Variants in CNTNAP2 observed in about 807,000 individuals in gnomAD.
CNTNAP2 encodes contactin-associated protein-like 2.
In CNTNAP2, 98 loss-of-function variants were observed where a neutral mutation model predicts 155.2. The observed-to-expected ratio is 0.63, with a 90% CI of 0.54 to 0.75. CNTNAP2 has a LOEUF of 0.75. Among genes scored for constraint, CNTNAP2 ranks in the 30% least tolerant of loss-of-function variants. The pLI is 0.00. For synonymous variants in CNTNAP2, 651 were observed against 631.2 expected, an observed-to-expected ratio of 1.03 and a Z score of -0.47; for missense variants, 1,727 against 1,688.1, an observed-to-expected ratio of 1.02 and a Z score of -0.40.
intron 1 of CNTNAP2, among the ~76,000 whole-genome samples, chr7:146,121,687 T>C (rs1032406080): frequency 1.3e-5 from 2 of 152,196 alleles, no homozygotes; most frequent in Non-Finnish European, 2.9e-5. Context: ...AATAAATTTT[T>C]ATATTTATAT....
intron 13 of CNTNAP2, among the ~76,000 whole-genome samples, chr7:147,805,785 G>T (rs929504186): frequency 7.2e-5 from 11 of 152,050 alleles, no homozygotes; most frequent in Non-Finnish European, 1.6e-4. Context: ...CCACTTGATC[G>T]GGATGACTGA....
intron 1 of CNTNAP2, among the ~76,000 whole-genome samples, chr7:146,561,244 C>G (rs185463980): frequency 5.2e-4 from 79 of 152,144 alleles, no homozygotes; most frequent in African/African-American, 1.8e-3. Flanking sequence ...TTTCAACCAC[C>G]CCCAAAGGTA....
chr7:146,252,973 C>T (rs1799780042), intron 1 of CNTNAP2, among the ~76,000 whole-genome samples: 2 of 152,190 alleles, frequency 1.3e-5, no homozygotes, highest in African/African-American at 2.4e-5. Context: ...CCACTCTACA[C>T]TAAAAGCTTT....
intron 3 of CNTNAP2, among the ~76,000 whole-genome samples, chr7:146,935,485 G>GA (rs1796894147): frequency 1.3e-5 from 2 of 152,230 alleles, no homozygotes; most frequent in Admixed American, 6.5e-5. Flanking sequence ...GTGTTAAAGA[G>GA]AAGGTTGCCA....
intron 1 of CNTNAP2, among the ~76,000 whole-genome samples, chr7:146,608,982 A>G (rs552838611): frequency 1.1e-4 from 16 of 152,168 alleles, no homozygotes; most frequent in Admixed American, 9.2e-4. Flanking sequence ...AAATAAAGAC[A>G]GAAATCCAGC....
At chr7:146,881,242 A>G (rs1795544668) in intron 3 of CNTNAP2, among the ~76,000 whole-genome samples, 1 of 152,140 alleles carries the variant, frequency 6.6e-6, no homozygotes, top group Non-Finnish European at 1.5e-5. Context: ...TGGTTTTCTC[A>G]AGAATAAACT....
chr7:146,931,898 A>G (rs2129223127), intron 3 of CNTNAP2, among the ~76,000 whole-genome samples: 1 of 152,310 alleles, frequency 6.6e-6, no homozygotes, highest in Admixed American at 6.5e-5. Context: ...AAGAAGTTGA[A>G]TCTCCGAATA....
chr7:146,808,048 T>A (rs1042720613), intron 2 of CNTNAP2, among the ~76,000 whole-genome samples: 17 of 152,204 alleles, frequency 1.1e-4, no homozygotes, highest in African/African-American at 2.9e-4. Flanking sequence ...GATAGGATGT[T>A]TCTGCTGCAG....
At chr7:147,708,966 C>T (rs1191652443) in intron 13 of CNTNAP2, among the ~76,000 whole-genome samples, 1 of 152,098 alleles carries the variant, frequency 6.6e-6, no homozygotes, top group Non-Finnish European at 1.5e-5. Flanking sequence ...TTAGATAAGG[C>T]CCAAGCTAAG....
At chr7:147,276,759 A>T (rs533357428) in intron 8 of CNTNAP2, among the ~76,000 whole-genome samples, 7 of 152,086 alleles carry the variant, frequency 4.6e-5, no homozygotes, top group African/African-American at 1.4e-4. Flanking sequence ...TAGGTTTTTT[A>T]TACTAGCACA....
chr7:146,642,850 T>G (rs965452122), intron 1 of CNTNAP2, among the ~76,000 whole-genome samples: 4 of 151,990 alleles, frequency 2.6e-5, no homozygotes, highest in South Asian at 2.1e-4. Flanking sequence ...TGATTGCCAT[T>G]CTAACTGGTG....
chr7:147,322,927 T>G (rs4726840), intron 9 of CNTNAP2, among the ~76,000 whole-genome samples: 21,087 of 78,884 alleles, frequency 0.27, 1,908 homozygotes, highest in East Asian at 0.48. Flanking sequence ...TGATATCCCC[T>G]TTATCATTTT....
At chr7:146,919,958 C>T (rs1796468274) in intron 3 of CNTNAP2, among the ~76,000 whole-genome samples, 1 of 152,200 alleles carries the variant, frequency 6.6e-6, no homozygotes, top group Non-Finnish European at 1.5e-5. Flanking sequence ...TTCCTCCTAT[C>T]TGCCAATTTT....
At chr7:147,416,026 C>T (rs1442908549) in intron 10 of CNTNAP2, among the ~76,000 whole-genome samples, 1 of 152,194 alleles carries the variant, frequency 6.6e-6, no homozygotes, top group East Asian at 1.9e-4. Flanking sequence ...TTCCTTTAAT[C>T]CCAAACCAAC....
intron 9 of CNTNAP2, among the ~76,000 whole-genome samples, chr7:147,366,946 A>G (rs1297984164): frequency 6.6e-6 from 1 of 152,192 alleles, no homozygotes; most frequent in Non-Finnish European, 1.5e-5. Flanking sequence ...AGCGGACTGT[A>G]TATTTCCTAA....
chr7:147,375,241 A>G (rs1796415098), intron 9 of CNTNAP2, among the ~76,000 whole-genome samples: 1 of 151,852 alleles, frequency 6.6e-6, no homozygotes, highest in African/African-American at 2.4e-5. Flanking sequence ...AACTAATACA[A>G]TCCTCATGAT....
In CNTNAP2 at chr7:146,588,075, C is replaced by G. The variant is rs115722663; in HGVS notation, c.98-186196C>G. Among the ~76,000 whole-genome samples the G allele has an allele frequency of 8.4e-3, 1,281 of 151,714 alleles. 12 individuals are homozygous for G. Among genetic ancestry groups the G allele is most frequent in the African/African-American group, 0.029 (1,217 of 41,390 alleles). On this transcript the variant is annotated intron_variant, in intron 1 of 23. Coordinates refer to ENST00000361727, the MANE Select transcript of CNTNAP2 (RefSeq NM_014141.6). ...AGAAAATAGATGCTTTACATTAAGC[C>G]TGCTATGGATTCACGTTGCCATATA...
chr7:146,456,882 A>C (rs1796562928), intron 1 of CNTNAP2, among the ~76,000 whole-genome samples: 1 of 152,238 alleles, frequency 6.6e-6, no homozygotes, highest in African/African-American at 2.4e-5. Flanking sequence ...AGATCTAATT[A>C]GTATAAAGAA....
At chr7:147,627,802 T>C (rs1256735692) in intron 12 of CNTNAP2, among the ~76,000 whole-genome samples, 1 of 147,626 alleles carries the variant, frequency 6.8e-6, no homozygotes, top group Non-Finnish European at 1.5e-5. Context: ...CTTTTGGAAA[T>C]GAAAGACACA....
Sources: allele counts gnomAD v4.1 joint callset (sites outside exome capture counted in the v4.1 genomes callset), GRCh38; gene constraint gnomAD v4.1.1; transcripts MANE v1.5; gene names NCBI Gene and HGNC (gene_info 2026-07-23, HGNC 2026-07-21).